Variants in DNM2 observed in about 807,000 individuals in gnomAD.
The protein encoded by DNM2 is dynamin-2.
In DNM2, 15 loss-of-function variants were observed where a neutral mutation model predicts 99.0. That is an observed-to-expected ratio of 0.15 (90% CI 0.10 to 0.23). The LOEUF (loss-of-function observed/expected upper bound fraction) is 0.23. Ranked by LOEUF, DNM2 falls within the 10% of genes least tolerant of loss-of-function variation. The probability of loss-of-function intolerance (pLI) is 1.00; values close to 1 mark genes in which losing one functional copy is unlikely to be tolerated. For missense variants in DNM2, 742 were observed against 1,189.4 expected (o/e 0.62, Z 5.53); for synonymous variants, 525 against 481.2 (o/e 1.09, Z -1.19).
intron 2 of DNM2, among the ~76,000 whole-genome samples, chr19:10,771,275 C>T (rs2070969164): frequency 6.6e-6 from 1 of 152,230 alleles, no homozygotes; most frequent in African/African-American, 2.4e-5. Context: ...GCTTTGTCCT[C>T]AATCTGTGAT....
In DNM2 at chr19:10,764,909, C is replaced by T. The variant is rs754702919; in HGVS notation, c.235+5098C>T. ...CCCGCACCTGGTCACTTGCCGCCTT[C>T]GTTCCCCGGTCCCCGGCAGCACGAG... is the stretch of plus-strand genomic sequence containing the variant. On this transcript the variant is annotated intron_variant, in intron 2 of 20. Coordinates refer to ENST00000389253, the MANE Select transcript of DNM2 (RefSeq NM_001005361.3). The surrounding 1 kb of genome is among the most constrained non-coding windows in gnomAD (Gnocchi z 4.1). 5.3e-5 allele frequency among the ~76,000 whole-genome samples: 8 copies of T among 152,192 alleles called. No individual in the cohort carries two copies. Among genetic ancestry groups the T allele is most frequent in the South Asian group, 2.1e-4 (1 of 4,810 alleles).
At chr19:10,801,292 T>A (rs2072131749) in intron 11 of DNM2, among the ~76,000 whole-genome samples, 1 of 150,506 alleles carries the variant, frequency 6.6e-6, no homozygotes, top group African/African-American at 2.5e-5. Flanking sequence ...GGTAACACAG[T>A]GAGACTCTGT....
At chr19:10,760,247 G>T (rs1435231521) in intron 2 of DNM2, among the ~76,000 whole-genome samples, 1 of 151,174 alleles carries the variant, frequency 6.6e-6, no homozygotes, top group Non-Finnish European at 1.5e-5. Flanking sequence ...CACCCTGTTG[G>T]CCAGGCTGGT....
intron 2 of DNM2, among the ~76,000 whole-genome samples, chr19:10,770,641 A>ACAATCCAT (rs2070942882): frequency 6.6e-6 from 1 of 152,224 alleles, no homozygotes; most frequent in Non-Finnish European, 1.5e-5. Flanking sequence ...GGGCTGGGGA[A>ACAATCCAT]GCCCCACAAT....
In DNM2 at chr19:10,795,117, C is replaced by T. The variant is rs1384793159; in HGVS notation, c.1129-255C>T. 6.6e-6 allele frequency among the ~76,000 whole-genome samples: 1 copy of T among 152,140 alleles called. No homozygotes were observed. On this transcript the variant is annotated intron_variant, in intron 8 of 20. Coordinates refer to ENST00000389253, the MANE Select transcript of DNM2 (RefSeq NM_001005361.3). The surrounding 1 kb of genome is among the most constrained non-coding windows in gnomAD (Gnocchi z 4.2). ...TGTATTTTTAGTAGAGATGGGGTCT[C>T]ACTATGTTGCCCAGGCTGGTCTCAA...
At chr19:10,783,399 CAA>C (rs2071441573) in intron 6 of DNM2, among the ~76,000 whole-genome samples, 1 of 152,122 alleles carries the variant, frequency 6.6e-6, no homozygotes, top group Admixed American at 6.5e-5. Flanking sequence ...CCTGGAAAAT[CAA>C]GGCTTCAGTG....
chr19:10,783,696 A>ATTTTTTTT (rs1373476449), intron 6 of DNM2, among the ~76,000 whole-genome samples: 1 of 134,446 alleles, frequency 7.4e-6, no homozygotes, highest in Non-Finnish European at 1.7e-5. Context: ...TATTATTATT[A>ATTTTTTTT]TTATTATTAT....
intron 1 of DNM2, among the ~76,000 whole-genome samples, chr19:10,741,140 C>A (rs1342757503): frequency 6.6e-6 from 1 of 152,148 alleles, no homozygotes; most frequent in Non-Finnish European, 1.5e-5. Context: ...GTTGTTCCAT[C>A]CATTATTATT....
At chr19:10,784,421 G>A (rs934442965) in intron 6 of DNM2, among the ~76,000 whole-genome samples, 3 of 152,144 alleles carry the variant, frequency 2.0e-5, no homozygotes, top group Non-Finnish European at 4.4e-5. Context: ...CTTACAAACG[G>A]GAGTAGGGAG....
rs569639890 is a variant in DNM2, at chr19:10,807,930, G to C, written c.1546-639G>C. Among the ~76,000 whole-genome samples, 740 of 148,844 alleles carry C rather than the reference G, an allele frequency of 5.0e-3. 1 individual carries two copies. The highest frequency in any genetic ancestry group is 8.1e-3 in the Non-Finnish European group (544 of 67,154). Reference sequence around the variant, plus strand: ...GGCCGAGGCGGGCGGATCACCTGAGGTCAAGAGTTAGAGAACAGCCTGGCC... The same window carrying C: ...GGCCGAGGCGGGCGGATCACCTGAGCTCAAGAGTTAGAGAACAGCCTGGCC... On this transcript the variant is annotated intron_variant, in intron 13 of 20. Coordinates refer to ENST00000389253, the MANE Select transcript of DNM2 (RefSeq NM_001005361.3).
chr19:10,769,673 C>T (rs923172040), intron 2 of DNM2, among the ~76,000 whole-genome samples: 6 of 151,520 alleles, frequency 4.0e-5, no homozygotes, highest in African/African-American at 9.7e-5. Flanking sequence ...ACAGGAAGAG[C>T]GGCCGAGTGT....
rs371141451 is a variant in DNM2 at position 10,813,825 on chromosome 19, CAAAAA to C, written c.1671+1459_1671+1463del. 2.3e-4 allele frequency among the ~76,000 whole-genome samples: 27 copies of C among 115,040 alleles called. 1 individual carries two copies. The East Asian group carries it at 5.7e-3, about 24-fold the overall frequency. 75.5% of individuals were successfully genotyped at this position (115,040 alleles called of 152,430 possible). A position where few individuals can be genotyped will look rare whatever the true frequency, so the allele number is the denominator to read the frequency against. ...TGGGCCACAGAGCAAGACACTGTCT[CAAAAA>C]AAAAAAAAAAGAAGAAGAAGAAGAA... On this transcript the variant is annotated intron_variant, in intron 15 of 20. Transcript: ENST00000389253.
At chr19:10,750,141 G>A (rs1157091630) in intron 1 of DNM2, among the ~76,000 whole-genome samples, 1 of 152,146 alleles carries the variant, frequency 6.6e-6, no homozygotes, top group Non-Finnish European at 1.5e-5. Context: ...GGACCCTGGG[G>A]CCTGGCCTGG....
chr19:10,819,479 C>G (rs1384392384), intron 15 of DNM2, among the ~76,000 whole-genome samples: 1 of 152,146 alleles, frequency 6.6e-6, no homozygotes, highest in Non-Finnish European at 1.5e-5. Flanking sequence ...TCGTGCAAGG[C>G]GAGGGGCAGT....
intron 1 of DNM2, among the ~76,000 whole-genome samples, chr19:10,728,746 G>A (rs1453423611): frequency 3.9e-5 from 6 of 152,116 alleles, no homozygotes; most frequent in Admixed American, 1.3e-4. Flanking sequence ...CCAGGTGTTC[G>A]AGACCAGCCT....
At chr19:10,828,625 T>C (rs1234391098) in intron 18 of DNM2, among the ~76,000 whole-genome samples, 2 of 151,148 alleles carry the variant, frequency 1.3e-5, no homozygotes, top group South Asian at 2.1e-4. Flanking sequence ...ACAGGATTAT[T>C]CTGCCAAGGT....
chr19:10,755,239 G>T (rs1022106985), intron 1 of DNM2: 1 of 152,182 alleles, frequency 6.6e-6, no homozygotes, highest in South Asian at 2.1e-4. Flanking sequence ...ATTCGACCAC[G>T]AAAAGGAATG....
chr19:10,811,531 C>G lies in DNM2; in HGVS notation c.1558-733C>G, dbSNP rs1457306413. The G allele has an allele frequency of 2.7e-6, 1 of 367,546 alleles. No individual in the cohort carries two copies. Among genetic ancestry groups the G allele is most frequent in the Non-Finnish European group, 5.4e-6 (1 of 185,178 alleles). The allele number at this position is 367,546 out of a possible 1,614,324, so 22.8% of individuals were successfully genotyped here. ...GTCAGTGCCTGGGTCCCAGGCCGCC[C>G]TGTGCGTGCCTCCGTGTGCTTCCTG... On this transcript the variant is annotated intron_variant, in intron 14 of 20. Transcript: ENST00000389253. This position sits in a 1 kb window ranked among gnomAD's most constrained non-coding sequence, Gnocchi z 5.4.
At chr19:10,737,968 C>T (rs979225976) in intron 1 of DNM2, among the ~76,000 whole-genome samples, 1 of 152,222 alleles carries the variant, frequency 6.6e-6, no homozygotes, top group African/African-American at 2.4e-5. Context: ...GCAAGACCCA[C>T]TCAGCAATGT....
Sources: gnomAD v4.1 joint callset for allele counts (sites outside exome capture counted in the v4.1 genomes callset) on GRCh38, gnomAD v4.1.1 for gene constraint, Gnocchi (gnomAD v3.1) non-coding constraint, MANE v1.5 for transcripts, NCBI Gene and HGNC (gene_info 2026-07-23, HGNC 2026-07-21) for gene names.